The following ZNF611 variants were observed in gnomAD, a reference collection of about 807,000 sequenced individuals.
The protein encoded by ZNF611 is zinc finger protein 611.
ZNF611 carries 6 observed loss-of-function variants against 8.9 expected under a neutral mutation model. The ratio of observed to expected loss-of-function variants is 0.68; its 90% CI spans 0.37 to 1.34. The LOEUF is 1.34. Ranked by LOEUF, ZNF611 falls within the 40% of genes most tolerant of loss-of-function variation. The pLI is 0.02. For synonymous variants in ZNF611, 262 were observed against 279.7 expected, an observed-to-expected ratio of 0.94 and a Z score of 0.63; for missense variants, 874 against 841.3, an observed-to-expected ratio of 1.04 and a Z score of -0.48.
intron 4 of ZNF611, among the ~76,000 whole-genome samples, chr19:52,714,459 G>A (rs1303339981): frequency 6.6e-6 from 1 of 151,852 alleles, no homozygotes; most frequent in East Asian, 1.9e-4. Context: ...AGGCCAAGGC[G>A]GGCAGATTAT....
At position 52,704,744 on chromosome 19, in the gene ZNF611, C is replaced by T. The variant is rs1478213339; in HGVS notation, c.*193G>A. 13 of 1,599,280 alleles carry T rather than the reference C, an allele frequency of 8.1e-6. No individual in the cohort carries two copies. In the African/African-American group the frequency reaches 9.4e-5, roughly 12 times the overall value. On this transcript the variant is annotated 3_prime_UTR_variant, in exon 6 of 6. Coordinates refer to ENST00000652185, the MANE Select transcript of ZNF611 (RefSeq NM_001161499.2). ...TGGTGAATAAGTGTTGACTGCTTGC[C>T]AAAGGCTTTGCCACACTCATTACAC...
chr19:52,720,023 G>T (rs140288341), intron 3 of ZNF611, among the ~76,000 whole-genome samples: 1 of 151,174 alleles, frequency 6.6e-6, no homozygotes, highest in Admixed American at 6.6e-5. Context: ...ATCTTGCACC[G>T]CCCTTAATCC....
chr19:52,710,144 C>T (rs1326922261), intron 5 of ZNF611, among the ~76,000 whole-genome samples: 1 of 151,774 alleles, frequency 6.6e-6, no homozygotes, highest in African/African-American at 2.4e-5. Context: ...TGCAGTGGCA[C>T]GATTCTCCTA....
In ZNF611 at chr19:52,706,643, T is replaced by A. The variant is rs576665336; in HGVS notation, c.412A>T (p.Ser138Cys). 1.2e-6 allele frequency: 2 copies of A among 1,613,970 alleles called. No individual in the cohort carries two copies. The highest frequency in any genetic ancestry group is 4.5e-5 in the East Asian group (2 of 44,882). ...TGCCTGTGATCATGTTGGTCTGTGC[T>A]ACCAGTCAACTTTTTTATTTTTGTC... The part of the protein sequence containing the change: ...PMTKIKKLTG[S>C]TDQHDHRHAG... Residue 138 changes from serine (S) to cysteine (C), a missense_variant, in exon 6 of 6, where the codon AGC (serine) becomes TGC (cysteine). By Grantham distance (112) the Ser-to-Cys change is moderately radical. Transcript: ENST00000652185.
At position 52,705,099 on chromosome 19, in the gene ZNF611, A is replaced by G. The variant is rs571939495; in HGVS notation, c.1956T>C (p.Cys652=). The G allele has an allele frequency of 6.2e-7, 1 of 1,614,218 alleles. No homozygotes were observed. The highest frequency in any genetic ancestry group is 1.3e-5 in the African/African-American group (1 of 75,062). ...GCACGAAAGCCTTGTCACAAATTGT[A>G]CATTTGTAAGATTTCTCTCCAGTAT... ...RLHTGEKSYK[C]TICDKAFVRN... is the part of the protein sequence containing the mutation. The change falls in exon 6 of 6, where the codon TGT becomes TGC. Residue 652 remains cysteine, a synonymous_variant. Coordinates refer to ENST00000652185, the MANE Select transcript of ZNF611 (RefSeq NM_001161499.2).
intron 5 of ZNF611, among the ~76,000 whole-genome samples, chr19:52,709,921 T>TA (rs1207811716): frequency 1.3e-5 from 2 of 152,034 alleles, no homozygotes; most frequent in Non-Finnish European, 2.9e-5. Context: ...CTGCTCCTCT[T>TA]TACACCACAT....
chr19:52,731,876 C>CGGGCGG (rs1568611233), intron 1 of ZNF611, among the ~76,000 whole-genome samples: 3 of 152,120 alleles, frequency 2.0e-5, no homozygotes, highest in Admixed American at 6.5e-5. Context: ...GAGGCTGAGG[C>CGGGCGG]AGTAGAATCG....
At chr19:52,732,319 A>ATAACTCACAGTATTGAGTTATTCTGAG (rs2062430822) in intron 1 of ZNF611, among the ~76,000 whole-genome samples, 1 of 60,574 alleles carries the variant, frequency 1.7e-5, no homozygotes, top group Non-Finnish European at 3.9e-5. Context: ...GTTATTCTGA[A>ATAACTCACAGTATTGAGTTATTCTGAG]TAACTCACAG....
intron 3 of ZNF611, 101 bp from the exon 4 acceptor site, chr19:52,716,014 TC>T: frequency 7.5e-7 from 1 of 1,329,544 alleles, no homozygotes. Flanking sequence ...TAGAAAGAAG[TC>T]CCCCACTGCC....
At chr19:52,719,001 T>C (rs1336528276) in intron 3 of ZNF611, among the ~76,000 whole-genome samples, 1 of 151,940 alleles carries the variant, frequency 6.6e-6, no homozygotes, top group Non-Finnish European at 1.5e-5. Flanking sequence ...TGAACCTCTG[T>C]CTCTGCTAAA....
chr19:52,705,049 G>T lies in ZNF611; in HGVS notation c.2006C>A (p.Thr669Asn). The change falls in exon 6 of 6, where the codon ACC becomes AAC. Residue 669 changes from threonine to asparagine, a missense_variant. Thr to Asn is a moderately conservative substitution (Grantham distance 65). Transcript: ENST00000652185. Reference sequence around the variant, plus strand: ...AGGTTTCTCTGCAGTGTGAATTCTGGTATGTCTTGACAGGAGTGAATTACG... The same window carrying T: ...AGGTTTCTCTGCAGTGTGAATTCTGTTATGTCTTGACAGGAGTGAATTACG... Reference protein sequence around the residue: ...FVRNSLLSRHTRIHTAEKPYK... With the variant: ...FVRNSLLSRHNRIHTAEKPYK... The T allele has an allele frequency of 6.2e-7, 1 of 1,614,032 alleles. No individual in the cohort carries two copies. The highest frequency in any genetic ancestry group is 2.2e-5 in the East Asian group (1 of 44,868).
In ZNF611 at chr19:52,711,961, AC is replaced by A. The variant is rs532703359; in HGVS notation, c.190+2053del. 2.7e-3 allele frequency among the ~76,000 whole-genome samples: 417 copies of A among 152,286 alleles called. 2 individuals are homozygous for A. The highest frequency in any genetic ancestry group is 9.6e-3 in the African/African-American group (397 of 41,566). On this transcript the variant is annotated intron_variant, in intron 5 of 5. Transcript: ENST00000652185. ...TGCACCTCTGTGGGAATATAATTCCACCAAGATAGACCAAATCTTGAGCTTA... is the reference window on the plus strand; with the variant it reads ...TGCACCTCTGTGGGAATATAATTCCACAAGATAGACCAAATCTTGAGCTTA...
intron 3 of ZNF611, among the ~76,000 whole-genome samples, chr19:52,722,872 A>G (rs1485353350): frequency 1.3e-5 from 2 of 150,020 alleles, no homozygotes; most frequent in Non-Finnish European, 3.0e-5. Context: ...CTGAAATTAC[A>G]GGTGCACATT....
rs751940857 is a variant in ZNF611 at position 52,705,286 on chromosome 19, C to T, written c.1769G>A (p.Gly590Asp). The T allele has an allele frequency of 3.1e-6, 5 of 1,614,088 alleles. No homozygotes were observed. The highest frequency in any genetic ancestry group is 1.1e-5 in the South Asian group (1 of 91,074). Residue 590 changes from glycine (G) to aspartate (D), a missense_variant, in exon 6 of 6, where the codon GGT becomes GAT. By Grantham distance (94) the Gly-to-Asp change is moderately conservative. Transcript: ENST00000652185. ...CTCATTACACTTGTAAGGTTTCTCA[C>T]CACTATGAACTCTATGATGGCATAC... ...YLVCHHRVHS[G>D]EKPYKCNECS... is the part of the protein sequence containing the mutation.
At chr19:52,714,273 T>C in intron 4 of ZNF611, 132 bp from the exon 5 acceptor site, 1 of 1,481,798 alleles carries the variant, frequency 6.7e-7, no homozygotes, top group Non-Finnish European at 8.9e-7. Context: ...GTTAAGGTAT[T>C]TTTGAATATT....
At chr19:52,724,948 T>G (rs1468311043) in intron 3 of ZNF611, among the ~76,000 whole-genome samples, 2 of 152,174 alleles carry the variant, frequency 1.3e-5, no homozygotes, top group African/African-American at 4.8e-5. Flanking sequence ...TTGCTGTCTC[T>G]TGGCAAATTT....
chr19:52,715,686 C>T, intron 4 of ZNF611, 146 bp downstream of exon 4: 2 of 1,308,838 alleles, frequency 1.5e-6, no homozygotes, highest in East Asian at 2.3e-5. Flanking sequence ...CTCAGAGCAG[C>T]TGAGAGGAAC....
At position 52,714,114 on chromosome 19, in the gene ZNF611, T is replaced by C. The variant is rs765454179; in HGVS notation, c.91A>G (p.Ile31Val). The change falls in exon 5 of 6, where the codon ATA (isoleucine) becomes GTA (valine). Residue 31 changes from isoleucine (I) to valine (V), a missense_variant. Ile to Val is a conservative substitution (Grantham distance 29). Transcript: ENST00000652185. ...TTCCACTCTGCCAATGAGAATTCTA[T>C]AGCCACATCCCGGAAAGTCAAGCGT... ...QGRLTFRDVAIEFSLAEWKCL... is the reference protein window; with the variant it reads ...QGRLTFRDVAVEFSLAEWKCL... 2.7e-5 allele frequency: 43 copies of C among 1,613,706 alleles called. No individual in the cohort carries two copies. In the East Asian group the frequency reaches 7.6e-4, roughly 28 times the overall value.
chr19:52,718,072 C>T (rs1003519648), intron 3 of ZNF611, among the ~76,000 whole-genome samples: 1 of 152,106 alleles, frequency 6.6e-6, no homozygotes, highest in African/African-American at 2.4e-5. Context: ...TGAGGCCAGG[C>T]ATGGTGACAC....
Sources: gnomAD v4.1 joint callset for allele counts (sites outside exome capture counted in the v4.1 genomes callset) on GRCh38, gnomAD v4.1.1 for gene constraint, MANE v1.5 for transcripts, NCBI Gene and HGNC (gene_info 2026-07-23, HGNC 2026-07-21) for gene names.